The following ANXA6 variants were observed in gnomAD, a reference collection of about 807,000 sequenced individuals.
ANXA6 encodes the protein annexin A6.
Under a neutral mutation model 95.4 loss-of-function variants are expected in ANXA6, and 71 were observed. That is an observed-to-expected ratio of 0.74 (90% CI 0.61 to 0.91). The LOEUF is 0.91. Among genes scored for constraint, ANXA6 ranks in the 40% least tolerant of loss-of-function variants. The pLI is 0.00. For synonymous variants in ANXA6, 289 were observed against 315.9 expected (o/e 0.91, Z 0.90); for missense variants, 830 against 876.4 (o/e 0.95, Z 0.67).
chr5:151,127,677 A>T (rs1559125), intron 13 of ANXA6, among the ~76,000 whole-genome samples: 63,973 of 152,000 alleles, frequency 0.42, 14,104 homozygotes, highest in South Asian at 0.58. Flanking sequence ...TGGCACAGCC[A>T]GTTCTCCCCA....
chr5:151,108,610 C>T, intron 22 of ANXA6, 60 bp from the exon 23 acceptor site: 1 of 1,424,622 alleles, frequency 7.0e-7, no homozygotes, highest in East Asian at 2.3e-5. Flanking sequence ...GCGGAGGACC[C>T]CTCCTCAGCC....
At chr5:151,130,866 T>C (rs1370798590) in intron 11 of ANXA6, among the ~76,000 whole-genome samples, 1 of 152,180 alleles carries the variant, frequency 6.6e-6, no homozygotes, top group South Asian at 2.1e-4. Context: ...TGTCACAGGG[T>C]GAGCATCATG....
chr5:151,138,869 G>A, intron 4 of ANXA6, 78 bp from the exon 5 acceptor site: 2 of 1,007,210 alleles, frequency 2.0e-6, no homozygotes, highest in Non-Finnish European at 3.1e-6. Flanking sequence ...CACTTAATGA[G>A]CACTTACTCT....
intron 1 of ANXA6, among the ~76,000 whole-genome samples, chr5:151,149,728 C>G (rs139733479): frequency 0.012 from 1,764 of 152,050 alleles, 36 homozygotes; most frequent in African/African-American, 0.041. Context: ...TTGTGATCTG[C>G]CCTCCTCAGT....
rs76177602 is a variant in ANXA6 at position 151,107,817 on chromosome 5, C to T, written c.1780+638G>A. ...AGAGCTCAAATTATATAAGCGTAACCAAAAAGCCAGGTACTGAGAGGAGAC... is the reference window on the plus strand; with the variant it reads ...AGAGCTCAAATTATATAAGCGTAACTAAAAAGCCAGGTACTGAGAGGAGAC... On this transcript the variant is annotated intron_variant, in intron 23 of 25. Transcript: ENST00000354546. Among the ~76,000 whole-genome samples, 580 of 152,150 alleles carry T rather than the reference C, an allele frequency of 3.8e-3. 6 individuals are homozygous for T. Among genetic ancestry groups the T allele is most frequent in the African/African-American group, 0.013 (553 of 41,502 alleles).
chr5:151,131,336 G>T, intron 10 of ANXA6, 47 bp from the exon 11 acceptor site: 2 of 1,593,624 alleles, frequency 1.3e-6, no homozygotes, highest in Non-Finnish European at 1.7e-6. Context: ...TGCCTCAGAA[G>T]GGGGATGGGA....
At position 151,124,396 on chromosome 5, in the gene ANXA6, G is replaced by T. The variant is rs985951604; in HGVS notation, c.1057-29C>A. 2.5e-6 allele frequency: 4 copies of T among 1,587,178 alleles called. No homozygotes were observed. In the African/African-American group the frequency reaches 5.4e-5, roughly 21 times the overall value. ...TGAGAAGCAGAAAGAGACTCAGCAG[G>T]TGTCTGAAGGCCCCCCTGGGGACCA... is the stretch of plus-strand genomic sequence containing the variant. On this transcript the variant is annotated intron_variant, in intron 14 of 25. Transcript: ENST00000354546.
intron 7 of ANXA6, among the ~76,000 whole-genome samples, chr5:151,134,714 T>G (rs1475532159): frequency 6.6e-6 from 1 of 151,718 alleles, no homozygotes; most frequent in African/African-American, 2.4e-5. Flanking sequence ...CACAGGAGAG[T>G]CCCAAGAACA....
chr5:151,115,224 T>A (rs1348750861), intron 20 of ANXA6, among the ~76,000 whole-genome samples: 1 of 152,232 alleles, frequency 6.6e-6, no homozygotes, highest in Non-Finnish European at 1.5e-5. Flanking sequence ...GAGAAGCAAC[T>A]AGAATAATGT....
rs760709479 is a variant in ANXA6 at position 151,126,411 on chromosome 5, G to A, written c.1047C>T (p.Ala349=). The part of the protein sequence containing the change: ...AYQMWELSAV[A]RVELKGTVRP... ...GAGGGGAAGGTCTGACCTCTACTCG[G>A]GCCACTGCACTAAGTTCCCACATCT... The change falls in exon 14 of 26, where the codon GCC becomes GCT. Residue 349 remains alanine, a synonymous_variant. Coordinates refer to ENST00000354546, the MANE Select transcript of ANXA6 (RefSeq NM_001155.5). 4 of 1,609,328 alleles carry A rather than the reference G, an allele frequency of 2.5e-6. No individual in the cohort carries two copies. In the Admixed American group the frequency reaches 5.0e-5, roughly 20 times the overall value.
Position 151,109,735 on chromosome 5 carries a change from G to A in ANXA6, c.1684+18C>T. 6.3e-7 allele frequency: 1 copy of A among 1,583,940 alleles called. No homozygotes were observed. The highest frequency in any genetic ancestry group is 8.6e-7 in the Non-Finnish European group (1 of 1,158,640). On this transcript the variant is annotated intron_variant, in intron 22 of 25. Coordinates refer to ENST00000354546, the MANE Select transcript of ANXA6 (RefSeq NM_001155.5). ...GGATCTTCCTGCTGAGCTGGGAAGG[G>A]AGGAGGTCAGGCCTCACCTCTCCGG... is the stretch of plus-strand genomic sequence containing the variant.
chr5:151,124,449 A>G lies in ANXA6; in HGVS notation c.1057-82T>C. 2.9e-6 allele frequency: 4 copies of G among 1,396,090 alleles called. No homozygotes were observed. In the South Asian group the frequency reaches 4.9e-5, roughly 17 times the overall value. The allele number at this position is 1,396,090 out of a possible 1,614,324, so 86.5% of individuals were successfully genotyped here. A position where few individuals can be genotyped will look rare whatever the true frequency, so the allele number is the denominator to read the frequency against. ...CTGAAAGACAGCATGCGAGGGTGGG[A>G]AGCTCACCCCATGAGCCCAAACCAA... is the stretch of plus-strand genomic sequence containing the variant. On this transcript the variant is annotated intron_variant, in intron 14 of 25. Transcript: ENST00000354546.
intron 17 of ANXA6, among the ~76,000 whole-genome samples, chr5:151,121,831 C>T (rs534405514): frequency 8.5e-5 from 13 of 152,234 alleles, no homozygotes; most frequent in African/African-American, 2.6e-4. Context: ...CTGCTGGAGC[C>T]GCTAGCTGGC....
intron 2 of ANXA6, among the ~76,000 whole-genome samples, chr5:151,146,025 G>A (rs1346915123): frequency 6.6e-6 from 1 of 152,134 alleles, no homozygotes; most frequent in Admixed American, 6.5e-5. Flanking sequence ...CATGGAGGGT[G>A]CCAACTCATC....
intron 6 of ANXA6, 44 bp from the exon 7 acceptor site, chr5:151,136,379 C>G: frequency 6.3e-7 from 1 of 1,585,420 alleles, no homozygotes; most frequent in Non-Finnish European, 8.7e-7. Flanking sequence ...CCAGAGACCT[C>G]AGGGATCTAG....
chr5:151,142,591 G>A (rs1765866874), intron 2 of ANXA6, among the ~76,000 whole-genome samples: 1 of 152,196 alleles, frequency 6.6e-6, no homozygotes, highest in African/African-American at 2.4e-5. Flanking sequence ...AGTCCATGGA[G>A]AATGGAGACT....
At chr5:151,144,430 G>C (rs1009475507) in intron 2 of ANXA6, among the ~76,000 whole-genome samples, 1 of 152,146 alleles carries the variant, frequency 6.6e-6, no homozygotes, top group Non-Finnish European at 1.5e-5. Flanking sequence ...TGTGGGCGGT[G>C]ACAAGTACTT....
Position 151,138,891 on chromosome 5 carries a change from G to A in ANXA6, c.205-100C>T, listed in dbSNP as rs921024573. ...TGAGCACTTACTCTGGCAGGTGCTG[G>A]GCTAAGTAATCTCATTAAATCATCA... On this transcript the variant is annotated intron_variant, in intron 4 of 25. Transcript: ENST00000354546. 24 of 818,354 alleles carry A rather than the reference G, an allele frequency of 2.9e-5. No individual in the cohort carries two copies. The South Asian group carries it at 3.4e-4, about 12-fold the overall frequency. The allele number at this position is 818,354 out of a possible 1,614,324, so 50.7% of individuals were successfully genotyped here.
At chr5:151,146,377 C>T (rs959882246) in intron 2 of ANXA6, among the ~76,000 whole-genome samples, 6 of 152,168 alleles carry the variant, frequency 3.9e-5, no homozygotes, top group Non-Finnish European at 4.4e-5. Context: ...TCAGAGAGGC[C>T]ACTTGTACAC....
Sources: allele counts gnomAD v4.1 joint callset (sites outside exome capture counted in the v4.1 genomes callset), GRCh38; gene constraint gnomAD v4.1.1; transcripts MANE v1.5; gene names NCBI Gene and HGNC (gene_info 2026-07-23, HGNC 2026-07-21).